Variants in PLXDC2 observed in about 807,000 individuals in gnomAD.
The protein encoded by PLXDC2 is plexin domain containing 2, also known as plexin domain-containing protein 2.
In PLXDC2, 40 loss-of-function variants were observed where a neutral mutation model predicts 68.9. That is an observed-to-expected ratio of 0.58 (90% CI 0.45 to 0.76). The LOEUF (loss-of-function observed/expected upper bound fraction) is 0.76, where lower values mean the gene tolerates loss of function less well. Among genes scored for constraint, PLXDC2 ranks in the 30% least tolerant of loss-of-function variants. PLXDC2 has a pLI of 0.00. For missense variants in PLXDC2, 644 were observed against 661.9 expected, an observed-to-expected ratio of 0.97 and a Z score of 0.30; for synonymous variants, 243 against 234.2, an observed-to-expected ratio of 1.04 and a Z score of -0.34.
chr10:20,025,247 C>A (rs943580418), intron 2 of PLXDC2, among the ~76,000 whole-genome samples: 1 of 149,284 alleles, frequency 6.7e-6, no homozygotes, highest in African/African-American at 2.5e-5. Context: ...GCAACCTAGC[C>A]AGCATCTATT....
intron 7 of PLXDC2, 48 bp from the exon 8 acceptor site, chr10:20,176,951 G>A: frequency 7.3e-7 from 1 of 1,363,160 alleles, no homozygotes; most frequent in Non-Finnish European, 1.0e-6. Flanking sequence ...CTGTTGTTTT[G>A]TAAGCGAGGA....
intron 2 of PLXDC2, among the ~76,000 whole-genome samples, chr10:20,023,089 T>A (rs1225319679): frequency 6.8e-6 from 1 of 147,514 alleles, no homozygotes; most frequent in African/African-American, 2.5e-5. Flanking sequence ...TATATATATG[T>A]ATATATATAA....
In PLXDC2 at chr10:19,855,001, C is replaced by T. The variant is rs551169169; in HGVS notation, c.112+37810C>T. ...AAATCTCCCACAGTTCTTAAAATCA[C>T]TTTTGTTATTACTATGAATAGATTC... On this transcript the variant is annotated intron_variant, in intron 1 of 13. Coordinates refer to ENST00000377252, the MANE Select transcript of PLXDC2 (RefSeq NM_032812.9). Among the ~76,000 whole-genome samples, 8 of 152,276 alleles carry T rather than the reference C, an allele frequency of 5.3e-5. No homozygotes were observed. The South Asian group carries it at 8.3e-4, about 16-fold the overall frequency.
At chr10:19,987,600 C>T (rs965709968) in intron 1 of PLXDC2, among the ~76,000 whole-genome samples, 1 of 151,232 alleles carries the variant, frequency 6.6e-6, no homozygotes, top group African/African-American at 2.4e-5. Context: ...CTCGTTCTGT[C>T]ACCCAGGCTG....
intron 3 of PLXDC2, among the ~76,000 whole-genome samples, chr10:20,067,494 C>T (rs79412703): frequency 0.065 from 9,896 of 151,896 alleles, 569 homozygotes; most frequent in East Asian, 0.22. Flanking sequence ...GAGACCAGCC[C>T]GGCCAACATG....
rs141786460 is a variant in PLXDC2, at chr10:19,889,543, CA to C, written c.112+72354del. On this transcript the variant is annotated intron_variant, in intron 1 of 13. Coordinates refer to ENST00000377252, the MANE Select transcript of PLXDC2 (RefSeq NM_032812.9). ...AAAGAGAAAACTTATTAAGTGACCA[CA>C]AGTATGCTAGGGTTATAAAATGGAG... Among the ~76,000 whole-genome samples, 628 of 152,302 alleles carry C rather than the reference CA, an allele frequency of 4.1e-3. 10 individuals carry two copies. Among genetic ancestry groups the C allele is most frequent in the East Asian group, 0.028 (147 of 5,180 alleles).
intron 6 of PLXDC2, among the ~76,000 whole-genome samples, chr10:20,158,447 G>T (rs1834245285): frequency 7.0e-6 from 1 of 142,800 alleles, no homozygotes; most frequent in Admixed American, 7.3e-5. Flanking sequence ...TTTGTTATTA[G>T]TCAAAAAGAA....
rs55856358 is a variant in PLXDC2, at chr10:19,982,508, G to T, written c.113-19267G>T. On this transcript the variant is annotated intron_variant, in intron 1 of 13. Transcript: ENST00000377252. ...AGCAATAATATTAACAATCTTATTTGTTTTCTTCAATTCAATGTTAGGACA... is the reference window on the plus strand; with the variant it reads ...AGCAATAATATTAACAATCTTATTTTTTTTCTTCAATTCAATGTTAGGACA... Among the ~76,000 whole-genome samples the T allele has an allele frequency of 5.6e-3, 850 of 152,234 alleles. 2 individuals are homozygous for T. The highest frequency in any genetic ancestry group is 7.1e-3 in the Non-Finnish European group (485 of 68,010).
At position 20,001,971 on chromosome 10, in the gene PLXDC2, T is replaced by C. The variant is rs141743293; in HGVS notation, c.309T>C (p.Asn103=). The change falls in exon 2 of 14, where the codon AAT becomes AAC. Residue 103 remains asparagine, a synonymous_variant. Transcript: ENST00000377252. ...TDLLLDDGQD[N]NTQIEEDTDH... ...TGCTGCTGGATGATGGGCAGGACAA[T>C]AACACTCAGATCGAGGTAGATAAAT... The C allele has an allele frequency of 4.3e-6, 7 of 1,612,134 alleles. No individual in the cohort carries two copies. The African/African-American group carries it at 8.0e-5, about 18-fold the overall frequency.
rs1334271215 is a variant in PLXDC2 at position 20,126,459 on chromosome 10, A to AAC, written c.542-16831_542-16830dup. 6.9e-5 allele frequency among the ~76,000 whole-genome samples: 7 copies of AAC among 101,478 alleles called. 2 individuals are homozygous for AAC. The highest frequency in any genetic ancestry group is 1.1e-4 in the Non-Finnish European group (5 of 45,204). 66.6% of individuals were successfully genotyped at this position (101,478 alleles called of 152,430 possible). A position where few individuals can be genotyped will look rare whatever the true frequency, so the allele number is the denominator to read the frequency against. Reference sequence around the variant, plus strand: ...CAACACACGTTATATATGTATATACAACACACGTTATATATGTATATATAA... The same window carrying AAC: ...CAACACACGTTATATATGTATATACAACACACACGTTATATATGTATATATAA... On this transcript the variant is annotated intron_variant, in intron 4 of 13. Transcript: ENST00000377252.
At chr10:19,937,204 G>T (rs1255399058) in intron 1 of PLXDC2, among the ~76,000 whole-genome samples, 1 of 152,080 alleles carries the variant, frequency 6.6e-6, no homozygotes, top group Admixed American at 6.5e-5. Flanking sequence ...CTGCATGTGG[G>T]ACAAATTAAT....
intron 4 of PLXDC2, among the ~76,000 whole-genome samples, chr10:20,140,411 A>ATCTATCTATCTG (rs1376305187): frequency 2.7e-5 from 4 of 147,302 alleles, no homozygotes; most frequent in African/African-American, 7.5e-5. Flanking sequence ...TAAAATATCT[A>ATCTATCTATCTG]TCTATCTATC....
intron 1 of PLXDC2, among the ~76,000 whole-genome samples, chr10:19,923,447 T>C (rs1262114267): frequency 6.6e-6 from 1 of 152,224 alleles, no homozygotes; most frequent in Non-Finnish European, 1.5e-5. Context: ...AGGATTTATA[T>C]AATTTTTATT....
intron 13 of PLXDC2, among the ~76,000 whole-genome samples, chr10:20,246,826 G>C (rs1212970436): frequency 6.6e-6 from 1 of 152,176 alleles, no homozygotes; most frequent in Non-Finnish European, 1.5e-5. Flanking sequence ...TTCACTTGTT[G>C]AGCGAGAAAT....
At chr10:20,144,393 T>C (rs1834046093) in intron 5 of PLXDC2, among the ~76,000 whole-genome samples, 1 of 152,132 alleles carries the variant, frequency 6.6e-6, no homozygotes, top group South Asian at 2.1e-4. Context: ...TCCTGACCAG[T>C]GTGATGAAAG....
In PLXDC2 at chr10:20,068,190, T is replaced by G; in HGVS notation, c.492T>G (p.Asp164Glu). 1 of 1,613,406 alleles carries G rather than the reference T, an allele frequency of 6.2e-7. No individual in the cohort carries two copies. Among genetic ancestry groups the G allele is most frequent in the Non-Finnish European group, 8.5e-7 (1 of 1,179,622 alleles). The change falls in exon 4 of 14, where the codon GAT becomes GAG. Residue 164 changes from aspartate (D) to glutamate (E), a missense_variant. Coordinates refer to ENST00000377252, the MANE Select transcript of PLXDC2 (RefSeq NM_032812.9). ...RQAARVNLSF[D>E]FPFYGHFLRE... The stretch of plus-strand genomic sequence containing the variant: ...TGCAGAGAGTGAATCTGTCCTTCGA[T>G]TTTCCATTTTATGGCCACTTCCTAC...
chr10:20,260,557 T>C lies in PLXDC2; in HGVS notation c.1473+15052T>C, dbSNP rs533187608. Among the ~76,000 whole-genome samples, 4 of 152,350 alleles carry C rather than the reference T, an allele frequency of 2.6e-5. No individual in the cohort carries two copies. In the East Asian group the frequency reaches 7.7e-4, roughly 29 times the overall value. On this transcript the variant is annotated intron_variant, in intron 13 of 13. Transcript: ENST00000377252. The stretch of plus-strand genomic sequence containing the variant: ...TTTTTAAGGCTGAATAGTATTTCAT[T>C]GTGTACATATGCCACATGTTGTGGT...
intron 3 of PLXDC2, among the ~76,000 whole-genome samples, chr10:20,054,652 A>G (rs1037634667): frequency 9.2e-5 from 14 of 152,050 alleles, no homozygotes; most frequent in African/African-American, 3.4e-4. Flanking sequence ...GAATTGAACA[A>G]TGAGAACACA....
chr10:20,098,357 A>ATGTGTGTGTG (rs35209594), intron 4 of PLXDC2, among the ~76,000 whole-genome samples: 19,321 of 145,284 alleles, frequency 0.13, 1,460 homozygotes, highest in South Asian at 0.17. Context: ...GTGTGTGTGT[A>ATGTGTGTGTG]TGTGTGTGTG....
Sources: allele counts gnomAD v4.1 joint callset (sites outside exome capture counted in the v4.1 genomes callset), GRCh38; gene constraint gnomAD v4.1.1; transcripts MANE v1.5; gene names NCBI Gene and HGNC (gene_info 2026-07-23, HGNC 2026-07-21).